Variants in SKIL observed in about 807,000 individuals in gnomAD.
The protein encoded by SKIL is SKI like proto-oncogene.
SKIL carries 20 observed loss-of-function variants against 69.6 expected under a neutral mutation model. That is an observed-to-expected ratio of 0.29 (90% CI 0.20 to 0.42). The LOEUF is 0.42. Among genes scored for constraint, SKIL ranks in the 10% least tolerant of loss-of-function variants. The pLI is 1.00. For missense variants in SKIL, 745 were observed against 783.1 expected (o/e 0.95, Z 0.58); for synonymous variants, 310 against 279.9 (o/e 1.11, Z -1.08).
At position 170,390,252 on chromosome 3, in the gene SKIL, A is replaced by G. The variant is rs149839000; in HGVS notation, c.1459A>G (p.Lys487Glu). The change falls in exon 5 of 7, where the codon AAA (lysine) becomes GAA (glutamate). Residue 487 changes from lysine (K) to glutamate (E), a missense_variant. Lys to Glu is a moderately conservative substitution (Grantham distance 56, BLOSUM62 1). Transcript: ENST00000259119. Reference protein sequence around the residue: ...DASISNNSTSKRKSESATCNL... With the variant: ...DASISNNSTSERKSESATCNL... ...ATCAATCTCAAATAATTCTACAAGTAAAAGGAAATCTGAGTCTGCCACTTG... is the reference window on the plus strand; with the variant it reads ...ATCAATCTCAAATAATTCTACAAGTGAAAGGAAATCTGAGTCTGCCACTTG... The G allele has an allele frequency of 2.5e-6, 4 of 1,611,834 alleles. No individual in the cohort carries two copies. Among genetic ancestry groups the G allele is most frequent in the East Asian group, 4.5e-5 (2 of 44,868 alleles).
intron 4 of SKIL, 79 bp from the exon 5 acceptor site, chr3:170,390,144 T>C (rs926090918): frequency 9.9e-7 from 1 of 1,008,062 alleles, no homozygotes. Context: ...GTTTTAAAAA[T>C]TACATTTATG....
In SKIL at chr3:170,360,521, A is replaced by G. The variant is rs1047815271; in HGVS notation, c.190A>G (p.Thr64Ala). The change falls in exon 2 of 7, where the codon ACT becomes GCT. Residue 64 changes from threonine (T) to alanine (A), a missense_variant. Transcript: ENST00000259119. ...TGACTATGGAGAAGCACCAGTGGAAACTGATGGAGAGCATGTTAAGCGAAC... is the reference window on the plus strand; with the variant it reads ...TGACTATGGAGAAGCACCAGTGGAAGCTGATGGAGAGCATGTTAAGCGAAC... ...LDDYGEAPVE[T>A]DGEHVKRTCT... 1 of 1,614,194 alleles carries G rather than the reference A, an allele frequency of 6.2e-7. No homozygotes were observed. The highest frequency in any genetic ancestry group is 1.3e-5 in the African/African-American group (1 of 75,060).
rs373420716 is a variant in SKIL at position 170,391,243 on chromosome 3, G to T, written c.1879G>T (p.Ala627Ser). The stretch of plus-strand genomic sequence containing the variant: ...CTCAAATTTAGAAAAAGACAAAGAG[G>T]CTGAATATGCAGGACAGGTAAGAAT... ...CDSNLEKDKE[A>S]EYAGQLAELR... is the part of the protein sequence containing the mutation. Residue 627 changes from alanine to serine, a missense_variant, in exon 6 of 7, where the codon GCT (alanine) becomes TCT (serine). Physicochemically the swap from Ala to Ser is moderately conservative, Grantham distance 99. Transcript: ENST00000259119. The T allele has an allele frequency of 1.3e-5, 21 of 1,598,734 alleles. No homozygotes were observed. In the African/African-American group the frequency reaches 2.8e-4, roughly 21 times the overall value.
Position 170,390,280 on chromosome 3 carries a change from A to G in SKIL, c.1487A>G (p.Asn496Ser), listed in dbSNP as rs202201582. Residue 496 changes from asparagine to serine, a missense_variant, in exon 5 of 7, where the codon AAC becomes AGC. Transcript: ENST00000259119. ...SKRKSESATC[N>S]LVRDINKVGI... ...AGGAAATCTGAGTCTGCCACTTGCA[A>G]CTTAGTCAGAGACATAAACAAAGTG... The G allele has an allele frequency of 1.2e-4, 195 of 1,613,074 alleles. 1 individual carries two copies. Among genetic ancestry groups the G allele is most frequent in the Non-Finnish European group, 1.9e-5 (22 of 1,179,158 alleles).
At chr3:170,390,538 G>A in intron 5 of SKIL, 74 bp downstream of exon 5, 1 of 1,194,770 alleles carries the variant, frequency 8.4e-7, no homozygotes, top group Non-Finnish European at 1.2e-6. Flanking sequence ...CCAGGCTGGA[G>A]TGCAGTGGCG....
chr3:170,381,751 T>A (rs1737363238), intron 3 of SKIL, among the ~76,000 whole-genome samples: 1 of 152,044 alleles, frequency 6.6e-6, no homozygotes, highest in East Asian at 1.9e-4. Context: ...ATTTCTTTAT[T>A]TTCAGGCTTT....
intron 3 of SKIL, among the ~76,000 whole-genome samples, chr3:170,381,707 A>G (rs890061849): frequency 9.2e-5 from 14 of 151,742 alleles, no homozygotes; most frequent in African/African-American, 3.4e-4. Context: ...TGCTGGGATT[A>G]CAGGTGTGAG....
chr3:170,375,125 G>A (rs1736970899), intron 2 of SKIL, among the ~76,000 whole-genome samples: 1 of 152,186 alleles, frequency 6.6e-6, no homozygotes, highest in Non-Finnish European at 1.5e-5. Context: ...TTAAGCAGAG[G>A]CTGCGTAGCC....
chr3:170,359,173 T>C (rs902056171), intron 1 of SKIL, among the ~76,000 whole-genome samples: 2 of 152,240 alleles, frequency 1.3e-5, no homozygotes, highest in African/African-American at 4.8e-5. Flanking sequence ...TTATGTTATA[T>C]TATTGCTCGC....
At chr3:170,374,812 C>T (rs1024858829) in intron 2 of SKIL, among the ~76,000 whole-genome samples, 6 of 152,140 alleles carry the variant, frequency 3.9e-5, no homozygotes, top group African/African-American at 1.4e-4. Context: ...TAGTGTTGTG[C>T]GTGTCCCCAT....
At chr3:170,366,388 CT>C (rs1465624506) in intron 2 of SKIL, among the ~76,000 whole-genome samples, 1 of 151,740 alleles carries the variant, frequency 6.6e-6, no homozygotes, top group Non-Finnish European at 1.5e-5. Flanking sequence ...AAGAAATATA[CT>C]TGATTTTAGG....
At chr3:170,370,756 A>G (rs1020941737) in intron 2 of SKIL, among the ~76,000 whole-genome samples, 3 of 152,148 alleles carry the variant, frequency 2.0e-5, no homozygotes, top group Non-Finnish European at 4.4e-5. Context: ...TTTGGGTAAC[A>G]TAGTTTGACC....
chr3:170,392,610 T>A lies in SKIL; in HGVS notation c.*193T>A. On this transcript the variant is annotated 3_prime_UTR_variant, in exon 7 of 7. Transcript: ENST00000259119. ...TACATTTTCCAAATGAATGAAAATG[T>A]ATGTTTCTTTGTACTTTTTTAAAAA... 2.6e-6 allele frequency: 1 copy of A among 377,666 alleles called. No individual in the cohort carries two copies. Among genetic ancestry groups the A allele is most frequent in the Non-Finnish European group, 4.8e-6 (1 of 209,920 alleles). The allele number at this position is 377,666 out of a possible 1,614,324, so 23.4% of individuals were successfully genotyped here. A position where few individuals can be genotyped will look rare whatever the true frequency, so the allele number is the denominator to read the frequency against.
At position 170,360,693 on chromosome 3, in the gene SKIL, T is replaced by C. The variant is rs1736181272; in HGVS notation, c.362T>C (p.Phe121Ser). 2 of 1,614,218 alleles carry C rather than the reference T, an allele frequency of 1.2e-6. No homozygotes were observed. Among genetic ancestry groups the C allele is most frequent in the Non-Finnish European group, 1.7e-6 (2 of 1,180,032 alleles). ...CAAGAAAGCATGTCGCCTACTGTAT[T>C]TCTGCCTCTTCCATCACCTCAGGTT... ...HSQESMSPTV[F>S]LPLPSPQVLP... Residue 121 changes from phenylalanine (F) to serine (S), a missense_variant, in exon 2 of 7, where the codon TTT (phenylalanine) becomes TCT (serine). Physicochemically the swap from Phe to Ser is radical, Grantham distance 155. Coordinates refer to ENST00000259119, the MANE Select transcript of SKIL (RefSeq NM_005414.5).
At chr3:170,372,988 A>ATTT (rs34211986) in intron 2 of SKIL, among the ~76,000 whole-genome samples, 2,640 of 134,162 alleles carry the variant, frequency 0.02, 89 homozygotes, top group Non-Finnish European at 0.027. Context: ...ATAATTTTCA[A>ATTT]TTTTTTTTTT....
intron 1 of SKIL, among the ~76,000 whole-genome samples, chr3:170,358,297 C>T (rs867775525): frequency 1.3e-5 from 2 of 151,698 alleles, no homozygotes; most frequent in African/African-American, 4.8e-5. Flanking sequence ...GGTGGATTTC[C>T]ACAGTCCTTC....
At chr3:170,371,560 C>T (rs1736807847) in intron 2 of SKIL, among the ~76,000 whole-genome samples, 1 of 152,078 alleles carries the variant, frequency 6.6e-6, no homozygotes, top group Non-Finnish European at 1.5e-5. Flanking sequence ...TACTTTTGGA[C>T]CAATTTTAAG....
intron 4 of SKIL, among the ~76,000 whole-genome samples, chr3:170,388,269 G>C (rs555840058): frequency 6.6e-6 from 1 of 152,096 alleles, no homozygotes. Context: ...ATGATATTGA[G>C]TATCTTTTCA....
chr3:170,375,455 T>G (rs1736986697), intron 2 of SKIL, among the ~76,000 whole-genome samples: 1 of 152,234 alleles, frequency 6.6e-6, no homozygotes, highest in Admixed American at 6.5e-5. Context: ...GAGTCAGATT[T>G]CAAGTCAAGG....
Sources: allele counts gnomAD v4.1 joint callset (sites outside exome capture counted in the v4.1 genomes callset), GRCh38; gene constraint gnomAD v4.1.1; transcripts MANE v1.5; gene names NCBI Gene and HGNC (gene_info 2026-07-23, HGNC 2026-07-21).